Variants in EYA4 observed in about 807,000 individuals in gnomAD.
The protein encoded by EYA4 is protein phosphatase EYA4.
EYA4 carries 31 observed loss-of-function variants against 87.9 expected under a neutral mutation model. That is an observed-to-expected ratio of 0.35 (90% CI 0.27 to 0.48). The LOEUF is 0.48. Among genes scored for constraint, EYA4 ranks in the 20% least tolerant of loss-of-function variants. EYA4 has a pLI of 0.99. For missense variants in EYA4, 678 were observed against 761.4 expected (o/e 0.89, Z 1.29); for synonymous variants, 263 against 270.6 (o/e 0.97, Z 0.28).
In EYA4 at chr6:133,529,643, C is replaced by CA; in HGVS notation, c.*840dup. 1 of 984,528 alleles carries CA rather than the reference C, an allele frequency of 1.0e-6. No homozygotes were observed. The highest frequency in any genetic ancestry group is 1.2e-6 in the Non-Finnish European group (1 of 829,434). 61.0% of individuals were successfully genotyped at this position (984,528 alleles called of 1,614,324 possible). The stretch of plus-strand genomic sequence containing the variant: ...CTGAGTATTTTTTGCAATAAGAAAA[C>CA]AACAATAATAAAGGAAAGCTTGTGT... On this transcript the variant is annotated 3_prime_UTR_variant, in exon 20 of 20. Transcript: ENST00000355286.
chr6:133,521,068 T>A (rs1216309620), intron 17 of EYA4, among the ~76,000 whole-genome samples: 1 of 151,214 alleles, frequency 6.6e-6, no homozygotes, highest in African/African-American at 2.4e-5. Context: ...GGACTTCATG[T>A]CTAAAACACC....
intron 13 of EYA4, among the ~76,000 whole-genome samples, chr6:133,498,932 T>C (rs1255728420): frequency 6.6e-6 from 1 of 152,212 alleles, no homozygotes; most frequent in Non-Finnish European, 1.5e-5. Flanking sequence ...TAGCCAAATA[T>C]ATTCCTAACT....
At chr6:133,282,593 T>TAG (rs1777717705) in intron 2 of EYA4, among the ~76,000 whole-genome samples, 1 of 99,266 alleles carries the variant, frequency 1.0e-5, no homozygotes, top group African/African-American at 6.2e-5. Flanking sequence ...TGTGTGTATA[T>TAG]ATATATATGT....
intron 3 of EYA4, among the ~76,000 whole-genome samples, chr6:133,389,542 A>G (rs150050183): frequency 3.3e-5 from 5 of 152,332 alleles, no homozygotes; most frequent in South Asian, 4.1e-4. Flanking sequence ...ATAACTTCCA[A>G]ATACACAAAT....
At chr6:133,368,633 G>C (rs191139263) in intron 2 of EYA4, among the ~76,000 whole-genome samples, 7 of 152,152 alleles carry the variant, frequency 4.6e-5, no homozygotes, top group African/African-American at 1.7e-4. Flanking sequence ...AAAGAATTGC[G>C]TCTGTCAAAA....
At chr6:133,446,520 G>A (rs555186280) in intron 3 of EYA4, 110 bp from the exon 4 acceptor site, 1 of 1,247,230 alleles carries the variant, frequency 8.0e-7, no homozygotes, top group African/African-American at 1.5e-5. Context: ...CTTAGATACT[G>A]GTTTTAATTA....
rs552622609 is a variant in EYA4, at chr6:133,450,078, C to T, written c.277+1899C>T. 7.2e-4 allele frequency among the ~76,000 whole-genome samples: 110 copies of T among 152,142 alleles called. 1 individual carries two copies. In the South Asian group the frequency reaches 7.9e-3, roughly 11 times the overall value. On this transcript the variant is annotated intron_variant, in intron 5 of 19. Coordinates refer to ENST00000355286, the MANE Select transcript of EYA4 (RefSeq NM_004100.5). ...TCCGCTCACTGCAAGCTCCGCCTCC[C>T]GGGTTCATGCCATTCTCCTGCCTCA...
intron 2 of EYA4, among the ~76,000 whole-genome samples, chr6:133,321,463 A>T (rs1213349820): frequency 1.3e-5 from 2 of 152,158 alleles, no homozygotes; most frequent in Non-Finnish European, 2.9e-5. Context: ...TTTTAAATTT[A>T]TAATGCTTTT....
intron 3 of EYA4, among the ~76,000 whole-genome samples, chr6:133,385,350 A>ATT (rs200163950): frequency 7.6e-6 from 1 of 130,838 alleles, no homozygotes; most frequent in African/African-American, 2.9e-5. Flanking sequence ...ACATATATAT[A>ATT]TATTTTTTCT....
At chr6:133,497,995 C>T (rs1320995475) in intron 13 of EYA4, among the ~76,000 whole-genome samples, 1 of 152,150 alleles carries the variant, frequency 6.6e-6, no homozygotes. Flanking sequence ...ATATGTTTAT[C>T]AGAATTAATC....
Position 133,528,864 on chromosome 6 carries a change from G to T in EYA4, c.*59G>T. On this transcript the variant is annotated 3_prime_UTR_variant, in exon 20 of 20. Transcript: ENST00000355286. ...TTTCAAGTACACTGAATTTTTATGT[G>T]TGATTCAATGCCTCTGGCTCTACAC... 1 of 1,610,966 alleles carries T rather than the reference G, an allele frequency of 6.2e-7. No homozygotes were observed. Among genetic ancestry groups the T allele is most frequent in the Non-Finnish European group, 8.5e-7 (1 of 1,177,834 alleles).
intron 2 of EYA4, among the ~76,000 whole-genome samples, chr6:133,302,088 C>G (rs1399736074): frequency 1.3e-5 from 2 of 152,192 alleles, no homozygotes; most frequent in Non-Finnish European, 2.9e-5. Flanking sequence ...GCAAATGACT[C>G]AGAAACCAGA....
At chr6:133,375,186 C>T (rs1368266146) in intron 2 of EYA4, among the ~76,000 whole-genome samples, 3 of 151,902 alleles carry the variant, frequency 2.0e-5, no homozygotes, top group East Asian at 1.9e-4. Flanking sequence ...CCCTATGGGC[C>T]TAGCAGTACA....
chr6:133,292,834 G>A (rs976648999), intron 2 of EYA4, among the ~76,000 whole-genome samples: 2 of 152,146 alleles, frequency 1.3e-5, no homozygotes, highest in African/African-American at 4.8e-5. Context: ...CTTTGGCAGA[G>A]TGTTTATATG....
chr6:133,278,810 T>C (rs949779337), intron 2 of EYA4, among the ~76,000 whole-genome samples: 1 of 152,188 alleles, frequency 6.6e-6, no homozygotes, highest in Admixed American at 6.6e-5. Context: ...GTCATAAATT[T>C]ATCTGCAGTT....
intron 13 of EYA4, among the ~76,000 whole-genome samples, chr6:133,499,436 C>T (rs1039022125): frequency 6.6e-6 from 1 of 152,186 alleles, no homozygotes; most frequent in African/African-American, 2.4e-5. Context: ...TAATTCCCCC[C>T]TTGAAGTACA....
intron 19 of EYA4, among the ~76,000 whole-genome samples, chr6:133,525,691 A>G (rs907371829): frequency 1.3e-5 from 2 of 152,180 alleles, no homozygotes; most frequent in Non-Finnish European, 2.9e-5. Flanking sequence ...ATAGAGATTA[A>G]TGAGCTCCAT....
At chr6:133,336,188 G>A (rs1350858286) in intron 2 of EYA4, among the ~76,000 whole-genome samples, 7 of 152,106 alleles carry the variant, frequency 4.6e-5, no homozygotes, top group Non-Finnish European at 7.4e-5. Context: ...TTAGAGGAAT[G>A]TTTTTGGGGA....
At chr6:133,483,841 A>T (rs1274900150) in intron 13 of EYA4, among the ~76,000 whole-genome samples, 4 of 151,774 alleles carry the variant, frequency 2.6e-5, no homozygotes, top group Admixed American at 2.0e-4. Context: ...CACCTGCCTC[A>T]GCCTCTCGAG....
Sources: allele counts gnomAD v4.1 joint callset (sites outside exome capture counted in the v4.1 genomes callset), GRCh38; gene constraint gnomAD v4.1.1; transcripts MANE v1.5; gene names NCBI Gene and HGNC (gene_info 2026-07-23, HGNC 2026-07-21).